CAPZB: variants seen among roughly 807,000 people sequenced by gnomAD.
CAPZB encodes capping actin protein of muscle Z-line subunit beta, also known as F-actin-capping protein subunit beta.
In CAPZB, 2 loss-of-function variants were observed where a neutral mutation model predicts 38.1. The ratio of observed to expected loss-of-function variants is 0.05; its 90% confidence interval spans 0.02 to 0.17. The LOEUF is 0.17. Ranked by LOEUF, CAPZB falls within the 10% of genes least tolerant of loss-of-function variation. CAPZB has a pLI of 1.00. For missense variants in CAPZB, 161 were observed against 334.2 expected (o/e 0.48, Z 4.04); for synonymous variants, 107 against 127.4 (o/e 0.84, Z 1.08).
chr1:19,398,477 G>A (rs1288448913), intron 2 of CAPZB, among the ~76,000 whole-genome samples: 2 of 152,156 alleles, frequency 1.3e-5, no homozygotes, highest in Admixed American at 6.5e-5. Context: ...TAATACTTCT[G>A]TTTCCCTTCA....
intron 4 of CAPZB, among the ~76,000 whole-genome samples, chr1:19,370,272 G>A (rs945322644): frequency 3.3e-5 from 5 of 152,206 alleles, no homozygotes; most frequent in Admixed American, 2.0e-4. Context: ...GGCTGTGCCC[G>A]GGATCCCCAG....
At chr1:19,408,737 G>A (rs1443117900) in intron 2 of CAPZB, among the ~76,000 whole-genome samples, 2 of 152,206 alleles carry the variant, frequency 1.3e-5, no homozygotes, top group Non-Finnish European at 2.9e-5. Flanking sequence ...GTGGGGGCCC[G>A]AGACCCAAAG....
At chr1:19,416,977 T>C (rs2094382771) in intron 2 of CAPZB, among the ~76,000 whole-genome samples, 1 of 150,784 alleles carries the variant, frequency 6.6e-6, no homozygotes, top group African/African-American at 2.4e-5. Context: ...TGTGTCCAAG[T>C]ACCATCCTGC....
intron 2 of CAPZB, among the ~76,000 whole-genome samples, chr1:19,413,844 T>G (rs2094367773): frequency 6.6e-6 from 1 of 152,150 alleles, no homozygotes; most frequent in East Asian, 1.9e-4. Context: ...CAGTGCAGCT[T>G]CATCACCTGG....
chr1:19,431,734 T>C (rs2094442384), intron 1 of CAPZB, among the ~76,000 whole-genome samples: 2 of 80,324 alleles, frequency 2.5e-5, no homozygotes. Context: ...AAATAAAAAA[T>C]AAAAAATAAA....
chr1:19,340,464 G>A (rs1231659936), intron 8 of CAPZB, among the ~76,000 whole-genome samples: 1 of 152,228 alleles, frequency 6.6e-6, no homozygotes, highest in Non-Finnish European at 1.5e-5. Context: ...GGCTTATGGA[G>A]ATTTCACAGT....
At chr1:19,397,421 G>A (rs963616912) in intron 2 of CAPZB, among the ~76,000 whole-genome samples, 7 of 152,182 alleles carry the variant, frequency 4.6e-5, no homozygotes, top group African/African-American at 1.7e-4. Flanking sequence ...TAAGCAACTT[G>A]GCTATGGTCA....
rs1236973456 is a variant in CAPZB, at chr1:19,338,970, C to T, written c.*560G>A. 6.6e-6 allele frequency: 1 copy of T among 152,590 alleles called. No homozygotes were observed. The highest frequency in any genetic ancestry group is 1.9e-4 in the East Asian group (1 of 5,160). The allele number at this position is 152,590 out of a possible 1,614,324, so 9.5% of individuals were successfully genotyped here. ...AGCGGAACGGTCGGCGGCACCCCCC[C>T]CAGCCCCCACCCCGCGGCCTCCGTG... On this transcript the variant is annotated 3_prime_UTR_variant, in exon 9 of 9. Coordinates refer to ENST00000264202, the MANE Select transcript of CAPZB (RefSeq NM_004930.5).
At position 19,371,289 on chromosome 1, in the gene CAPZB, G is replaced by GT. The variant is rs763404606; in HGVS notation, c.329+7250dup. On this transcript the variant is annotated intron_variant, in intron 4 of 8. Transcript: ENST00000264202. ...TCAGGTCCGCCACCCAAATGGTCCCGTATCTGTGATCATAAACGCACAGAA... is the reference window on the plus strand; with the variant it reads ...TCAGGTCCGCCACCCAAATGGTCCCGTTATCTGTGATCATAAACGCACAGAA... 7.2e-5 allele frequency among the ~76,000 whole-genome samples: 11 copies of GT among 152,310 alleles called. No homozygotes were observed. The East Asian group carries it at 1.2e-3, about 16-fold the overall frequency.
At chr1:19,366,264 T>TA (rs1438412582) in intron 4 of CAPZB, among the ~76,000 whole-genome samples, 1 of 133,852 alleles carries the variant, frequency 7.5e-6, no homozygotes, top group Non-Finnish European at 1.5e-5. Context: ...CTGGGCAACA[T>TA]AGTGAGACCG....
intron 1 of CAPZB, among the ~76,000 whole-genome samples, chr1:19,483,939 C>A (rs190468933): frequency 6.6e-6 from 1 of 152,344 alleles, no homozygotes; most frequent in Admixed American, 6.5e-5. Flanking sequence ...CCTCAAAACA[C>A]TTTGAGGCCC....
intron 1 of CAPZB, among the ~76,000 whole-genome samples, chr1:19,428,232 A>G (rs549549521): frequency 3.3e-5 from 5 of 152,116 alleles, no homozygotes; most frequent in Non-Finnish European, 5.9e-5. Context: ...GTGAAACCCC[A>G]CCTCTACTAA....
intron 1 of CAPZB, among the ~76,000 whole-genome samples, chr1:19,464,023 A>C (rs1186611361): frequency 7.5e-5 from 11 of 145,866 alleles, no homozygotes; most frequent in African/African-American, 2.7e-4. Flanking sequence ...AAAAATACAA[A>C]AAAAAAAAAA....
chr1:19,408,053 C>T (rs2094340777), intron 2 of CAPZB, among the ~76,000 whole-genome samples: 2 of 152,206 alleles, frequency 1.3e-5, no homozygotes, highest in African/African-American at 4.8e-5. Flanking sequence ...TCTACAAGGC[C>T]TCAATGGAGG....
intron 1 of CAPZB, among the ~76,000 whole-genome samples, chr1:19,429,636 C>G (rs566027693): frequency 6.6e-6 from 1 of 152,174 alleles, no homozygotes; most frequent in Non-Finnish European, 1.5e-5. Context: ...AGGAACTCTC[C>G]CAGAGAGTAA....
At chr1:19,443,807 C>A (rs1333051319) in intron 1 of CAPZB, among the ~76,000 whole-genome samples, 2 of 152,160 alleles carry the variant, frequency 1.3e-5, no homozygotes, top group African/African-American at 4.8e-5. Flanking sequence ...CCAGACTCAG[C>A]CTTCCTCACC....
chr1:19,418,477 C>A (rs1260034676), intron 2 of CAPZB, among the ~76,000 whole-genome samples: 1 of 152,176 alleles, frequency 6.6e-6, no homozygotes, highest in Non-Finnish European at 1.5e-5. Context: ...CTTTTTGATA[C>A]CTGCCTTCTC....
At chr1:19,407,351 G>A (rs1355549664) in intron 2 of CAPZB, among the ~76,000 whole-genome samples, 2 of 152,162 alleles carry the variant, frequency 1.3e-5, no homozygotes, top group East Asian at 3.9e-4. Context: ...GCAGTCCCAG[G>A]AGAGGCCCAG....
At chr1:19,435,709 G>A (rs2094456110) in intron 1 of CAPZB, among the ~76,000 whole-genome samples, 1 of 152,162 alleles carries the variant, frequency 6.6e-6, no homozygotes, top group East Asian at 1.9e-4. Context: ...GGAGAGAGTG[G>A]TGAGCTTACA....
Sources: allele counts gnomAD v4.1 joint callset (sites outside exome capture counted in the v4.1 genomes callset), GRCh38; gene constraint gnomAD v4.1.1; transcripts MANE v1.5; gene names NCBI Gene and HGNC (gene_info 2026-07-23, HGNC 2026-07-21).